The following RAB4A variants were observed in gnomAD, a reference collection of about 807,000 sequenced individuals.
RAB4A encodes the protein RAB4A, member RAS oncogene family.
A neutral mutation model predicts 34.5 loss-of-function variants in RAB4A; 20 were observed. That is an observed-to-expected ratio of 0.58 (90% CI 0.41 to 0.84). The LOEUF (loss-of-function observed/expected upper bound fraction) is 0.84, where lower values mean the gene tolerates loss of function less well. Ranked by LOEUF, RAB4A falls within the 40% of genes least tolerant of loss-of-function variation. The probability of loss-of-function intolerance (pLI) is 0.00; values close to 1 mark genes in which losing one functional copy is unlikely to be tolerated. For missense variants in RAB4A, 228 were observed against 274.5 expected (o/e 0.83, Z 1.20); for synonymous variants, 102 against 100.0 (o/e 1.02, Z -0.12).
Position 229,302,919 on chromosome 1 carries a change from G to A in RAB4A, c.599G>A (p.Arg200Lys). ...ATTCAGTACGGAGATGCTGCCTTGA[G>A]ACAGCTGAGGTCACCGCGGCGCGCA... ...SGIQYGDAAL[R>K]QLRSPRRAQA... The change falls in exon 7 of 8, where the codon AGA (arginine) becomes AAA (lysine). Residue 200 changes from arginine to lysine, a missense_variant. Coordinates refer to ENST00000366690, the MANE Select transcript of RAB4A (RefSeq NM_004578.4). The A allele has an allele frequency of 6.2e-7, 1 of 1,613,968 alleles. No homozygotes were observed. The highest frequency in any genetic ancestry group is 1.1e-5 in the South Asian group (1 of 91,080).
At chr1:229,280,684 C>G (rs1656757766) in intron 1 of RAB4A, among the ~76,000 whole-genome samples, 1 of 152,106 alleles carries the variant, frequency 6.6e-6, no homozygotes, top group Non-Finnish European at 1.5e-5. Context: ...AAAACTGTTG[C>G]AGAATATCAC....
rs549986270 is a variant in RAB4A at position 229,298,473 on chromosome 1, C to CT, written c.446-501dup. On this transcript the variant is annotated intron_variant, in intron 5 of 7. Coordinates refer to ENST00000366690, the MANE Select transcript of RAB4A (RefSeq NM_004578.4). ...TGCTGAGAGAGCAAGCAGAACAGGC[C>CT]TTTCTGCTGAGATGAACAGCCACTC... 6.8e-4 allele frequency among the ~76,000 whole-genome samples: 103 copies of CT among 152,284 alleles called. 1 individual carries two copies. The highest frequency in any genetic ancestry group is 2.3e-3 in the African/African-American group (95 of 41,568).
chr1:229,289,511 G>A (rs532086069), intron 3 of RAB4A, among the ~76,000 whole-genome samples: 12 of 152,264 alleles, frequency 7.9e-5, no homozygotes, highest in Non-Finnish European at 1.3e-4. Flanking sequence ...AGTACATGTC[G>A]TATATTAAAT....
intron 3 of RAB4A, among the ~76,000 whole-genome samples, chr1:229,292,231 T>C (rs1657106704): frequency 6.9e-6 from 1 of 145,218 alleles, no homozygotes. Context: ...AATAAATAAA[T>C]AAAAGGAAAA....
At chr1:229,298,513 A>C (rs946613568) in intron 5 of RAB4A, among the ~76,000 whole-genome samples, 1 of 152,248 alleles carries the variant, frequency 6.6e-6, no homozygotes, top group Non-Finnish European at 1.5e-5. Context: ...GGGTAGAAAG[A>C]GTATTAATTC....
In RAB4A at chr1:229,299,035, A is replaced by G. The variant is rs1657313971; in HGVS notation, c.504A>G (p.Val168=). The change falls in exon 6 of 8, where the codon GTA becomes GTG. Residue 168 remains valine, a synonymous_variant. Transcript: ENST00000366690. ...LTGENVEEAF[V]QCARKILNKI... ...GGGAGAATGTAGAAGAGGCTTTTGT[A>G]CAGTGTGCAAGAAAAATACTTAACA... is the stretch of plus-strand genomic sequence containing the variant. 6.2e-7 allele frequency: 1 copy of G among 1,609,426 alleles called. No homozygotes were observed. The highest frequency in any genetic ancestry group is 1.7e-5 in the Admixed American group (1 of 58,150).
At chr1:229,292,020 G>A (rs866189965) in intron 3 of RAB4A, among the ~76,000 whole-genome samples, 4 of 135,962 alleles carry the variant, frequency 2.9e-5, no homozygotes, top group Admixed American at 2.6e-4. Flanking sequence ...TGAATAATGA[G>A]AACACATGGA....
At chr1:229,291,794 A>G (rs1657093659) in intron 3 of RAB4A, among the ~76,000 whole-genome samples, 2 of 152,050 alleles carry the variant, frequency 1.3e-5, no homozygotes, top group African/African-American at 4.8e-5. Context: ...TTTTCGTGAC[A>G]TTTCACTTTA....
chr1:229,284,674 C>G (rs1253126924), intron 1 of RAB4A, among the ~76,000 whole-genome samples: 1 of 152,148 alleles, frequency 6.6e-6, no homozygotes, highest in African/African-American at 2.4e-5. Context: ...TCTGCAGTTT[C>G]ACAATTATGT....
chr1:229,302,828 G>A (rs766951646), intron 6 of RAB4A, 34 bp from the exon 7 acceptor site: 2 of 1,436,472 alleles, frequency 1.4e-6, no homozygotes, highest in Non-Finnish European at 1.9e-6. Flanking sequence ...AAACATAAAA[G>A]CCTTTTTTAA....
Position 229,305,592 on chromosome 1 carries a change from T to C in RAB4A, c.*1799T>C. 4.6e-6 allele frequency: 1 copy of C among 218,540 alleles called. No individual in the cohort carries two copies. Among genetic ancestry groups the C allele is most frequent in the East Asian group, 9.5e-5 (1 of 10,552 alleles). The allele number at this position is 218,540 out of a possible 1,614,324, so 13.5% of individuals were successfully genotyped here. A position where few individuals can be genotyped will look rare whatever the true frequency, so the allele number is the denominator to read the frequency against. ...TTGTTCAGGCTAGTAATAAATGTCA[T>C]GTTTCTATTTCCCGCAACTCATTAA... On this transcript the variant is annotated 3_prime_UTR_variant, in exon 8 of 8. Coordinates refer to ENST00000366690, the MANE Select transcript of RAB4A (RefSeq NM_004578.4).
chr1:229,273,841 G>A (rs190353246), intron 1 of RAB4A, among the ~76,000 whole-genome samples: 14 of 152,266 alleles, frequency 9.2e-5, no homozygotes, highest in South Asian at 4.1e-4. Context: ...TCACTTTGAC[G>A]TATCAGTGGC....
intron 1 of RAB4A, among the ~76,000 whole-genome samples, chr1:229,277,290 C>T (rs1263603184): frequency 2.0e-5 from 3 of 150,948 alleles, no homozygotes; most frequent in African/African-American, 5.0e-5. Flanking sequence ...GTGCCGACAA[C>T]GTTTAATTCA....
chr1:229,283,918 TA>T (rs1656848663), intron 1 of RAB4A, among the ~76,000 whole-genome samples: 1 of 150,422 alleles, frequency 6.6e-6, no homozygotes, highest in Non-Finnish European at 1.5e-5. Flanking sequence ...TTATTTTTAA[TA>T]GAGACATGGT....
rs761473607 is a variant in RAB4A at position 229,297,681 on chromosome 1, G to T, written c.445+45G>T. ...TTACTATTTTTCAAATCGCATATTT[G>T]AGGATAATAGCATTTCTTTGAATTT... On this transcript the variant is annotated intron_variant, in intron 5 of 7. Transcript: ENST00000366690. 1.4e-5 allele frequency: 21 copies of T among 1,484,714 alleles called. No individual in the cohort carries two copies. In the East Asian group the frequency reaches 4.2e-4, roughly 30 times the overall value. 92.0% of individuals were successfully genotyped at this position (1,484,714 alleles called of 1,614,324 possible). A position where few individuals can be genotyped will look rare whatever the true frequency, so the allele number is the denominator to read the frequency against.
At chr1:229,289,047 C>T (rs1335556411) in intron 3 of RAB4A, 2 of 522,208 alleles carry the variant, frequency 3.8e-6, no homozygotes, top group African/African-American at 3.9e-5. Flanking sequence ...CTAAAGAATA[C>T]AGGAGGATCT....
Position 229,287,659 on chromosome 1 carries a change from T to C in RAB4A, c.113-1070T>C, listed in dbSNP as rs114066597. Among the ~76,000 whole-genome samples, 443 of 152,290 alleles carry C rather than the reference T, an allele frequency of 2.9e-3. 3 individuals carry two copies. Among genetic ancestry groups the C allele is most frequent in the African/African-American group, 0.01 (424 of 41,550 alleles). ...TTGTAACCAGGATGCCCCTGGCCTTTAGTTACTATTTTTTTTAAGGATCTT... is the reference window on the plus strand; with the variant it reads ...TTGTAACCAGGATGCCCCTGGCCTTCAGTTACTATTTTTTTTAAGGATCTT... On this transcript the variant is annotated intron_variant, in intron 2 of 7. Transcript: ENST00000366690.
At chr1:229,288,967 A>C in intron 3 of RAB4A, 124 bp downstream of exon 3, 1 of 663,568 alleles carries the variant, frequency 1.5e-6, no homozygotes, top group Non-Finnish European at 2.6e-6. Context: ...TAATCTCAGA[A>C]ACTTCATTTT....
chr1:229,294,978 C>CTT (rs538111967), intron 3 of RAB4A, among the ~76,000 whole-genome samples: 29 of 141,724 alleles, frequency 2.0e-4, no homozygotes, highest in Non-Finnish European at 2.6e-4. Context: ...GAACTCCTGG[C>CTT]TTTTTTTTTT....
Sources: allele counts gnomAD v4.1 joint callset (sites outside exome capture counted in the v4.1 genomes callset), GRCh38; gene constraint gnomAD v4.1.1; transcripts MANE v1.5; gene names NCBI Gene and HGNC (gene_info 2026-07-23, HGNC 2026-07-21).